ADAMTS18: variants seen among roughly 807,000 people sequenced by gnomAD.
ADAMTS18 encodes the protein ADAM metallopeptidase with thrombospondin type 1 motif 18.
ADAMTS18 carries 157 observed loss-of-function variants against 165.9 expected under a neutral mutation model. The ratio of observed to expected loss-of-function variants is 0.95; its 90% CI spans 0.83 to 1.08. The LOEUF (loss-of-function observed/expected upper bound fraction) is 1.08, where lower values mean the gene tolerates loss of function less well. Among genes scored for constraint, ADAMTS18 ranks in the 50% least tolerant of loss-of-function variants. The pLI is 0.00. For synonymous variants in ADAMTS18, 782 were observed against 578.2 expected (o/e 1.35, Z -5.06); for missense variants, 2,040 against 1,534.0 (o/e 1.33, Z -5.51).
chr16:77,373,731 G>A (rs12447385), intron 3 of ADAMTS18, among the ~76,000 whole-genome samples: 47,723 of 151,884 alleles, frequency 0.31, 8,557 homozygotes, highest in East Asian at 0.57. Flanking sequence ...AAAATAACAT[G>A]AAGAAAATTA....
At position 77,390,699 on chromosome 16, in the gene ADAMTS18, GA is replaced by G. The variant is rs572079107; in HGVS notation, c.496-22977del. On this transcript the variant is annotated intron_variant, in intron 3 of 22. Transcript: ENST00000282849. ...AGCAAGACTCCATCTCAAAAAAAAA[GA>G]AAAAAAAAAAAAGAAGAATCACCCA... Among the ~76,000 whole-genome samples the G allele has an allele frequency of 1.1e-3, 146 of 132,332 alleles. 1 individual carries two copies. The highest frequency in any genetic ancestry group is 2.7e-3 in the South Asian group (11 of 4,070). 86.8% of individuals were successfully genotyped at this position (132,332 alleles called of 152,430 possible). A position where few individuals can be genotyped will look rare whatever the true frequency, so the allele number is the denominator to read the frequency against.
At chr16:77,400,478 GTGTTT>G (rs1177626584) in intron 3 of ADAMTS18, among the ~76,000 whole-genome samples, 10 of 119,806 alleles carry the variant, frequency 8.3e-5, no homozygotes, top group African/African-American at 2.1e-4. Context: ...GTGTGTGTGT[GTGTTT>G]TGTTTTTTTT....
intron 3 of ADAMTS18, among the ~76,000 whole-genome samples, chr16:77,417,260 A>AGGTG (rs1336095526): frequency 2.6e-5 from 4 of 151,630 alleles, no homozygotes; most frequent in Admixed American, 2.0e-4. Context: ...ATGGGAGGAT[A>AGGTG]GGTGGGTGGG....
intron 3 of ADAMTS18, among the ~76,000 whole-genome samples, chr16:77,400,485 G>GTT (rs71137813): frequency 6.0e-4 from 69 of 114,654 alleles, no homozygotes; most frequent in African/African-American, 1.0e-3. Context: ...TGTGTGTTTT[G>GTT]TTTTTTTTTT....
chr16:77,434,394 T>G lies in ADAMTS18; in HGVS notation c.178+24A>C, dbSNP rs758599755. ...TCAAAGTGCTGCGAAAGGCCCTTCT[T>G]GGGGATGGGGGGCAAATACGAACCA... On this transcript the variant is annotated intron_variant, in intron 2 of 22. Transcript: ENST00000282849. 6 of 1,558,370 alleles carry G rather than the reference T, an allele frequency of 3.9e-6. No individual in the cohort carries two copies. The South Asian group carries it at 5.8e-5, about 15-fold the overall frequency.
chr16:77,363,814 C>T lies in ADAMTS18; in HGVS notation c.1044G>A (p.Leu348=). 3 of 1,613,896 alleles carry T rather than the reference C, an allele frequency of 1.9e-6. No homozygotes were observed. The highest frequency in any genetic ancestry group is 2.5e-6 in the Non-Finnish European group (3 of 1,179,934). ...GTTTGCCACTTACAGGTTCTTGTTCCAGAAGAATTAGGCTCACCACAACCA... is the reference window on the plus strand; with the variant it reads ...GTTTGCCACTTACAGGTTCTTGTTCTAGAAGAATTAGGCTCACCACAACCA... ...INVVVVSLIL[L]EQEPGGLLIN... Residue 348 remains leucine, a synonymous_variant, in exon 6 of 23, where the codon CTG becomes CTA. Coordinates refer to ENST00000282849, the MANE Select transcript of ADAMTS18 (RefSeq NM_199355.4).
intron 16 of ADAMTS18, among the ~76,000 whole-genome samples, chr16:77,304,697 C>G (rs2055649866): frequency 6.6e-6 from 1 of 152,182 alleles, no homozygotes; most frequent in Non-Finnish European, 1.5e-5. Flanking sequence ...ACTCATGTAT[C>G]TGGCCAAAAG....
chr16:77,372,165 G>A (rs2056885506), intron 3 of ADAMTS18, among the ~76,000 whole-genome samples: 1 of 152,164 alleles, frequency 6.6e-6, no homozygotes, highest in African/African-American at 2.4e-5. Flanking sequence ...CACATTGTGG[G>A]CAGGAATGTA....
intron 3 of ADAMTS18, among the ~76,000 whole-genome samples, chr16:77,399,006 G>A (rs1035795386): frequency 1.4e-4 from 21 of 152,282 alleles, no homozygotes; most frequent in African/African-American, 4.1e-4. Flanking sequence ...CCTGTTCAGT[G>A]GCCATCAGCA....
intron 3 of ADAMTS18, among the ~76,000 whole-genome samples, chr16:77,379,617 T>C (rs906705411): frequency 6.6e-6 from 1 of 152,148 alleles, no homozygotes; most frequent in Non-Finnish European, 1.5e-5. Context: ...GCCTCCTGAG[T>C]AGCTGGAACT....
In ADAMTS18 at chr16:77,293,910, C is replaced by A. The variant is rs184635935; in HGVS notation, c.3007-652G>T. 1.2e-3 allele frequency among the ~76,000 whole-genome samples: 179 copies of A among 151,852 alleles called. 1 individual carries two copies. Among genetic ancestry groups the A allele is most frequent in the African/African-American group, 4.1e-3 (171 of 41,402 alleles). On this transcript the variant is annotated intron_variant, in intron 19 of 22. Coordinates refer to ENST00000282849, the MANE Select transcript of ADAMTS18 (RefSeq NM_199355.4). Reference sequence around the variant, plus strand: ...GCTGGGCAGCCCAGTTCCTTACAGACCACAAACAGGTACTTGTTCATGACC... The same window carrying A: ...GCTGGGCAGCCCAGTTCCTTACAGAACACAAACAGGTACTTGTTCATGACC...
chr16:77,298,960 C>A (rs2144588029), intron 17 of ADAMTS18, among the ~76,000 whole-genome samples: 1 of 152,348 alleles, frequency 6.6e-6, no homozygotes, highest in South Asian at 2.1e-4. Context: ...TCACAACTGG[C>A]TTCCTCTGCA....
At position 77,400,473 on chromosome 16, in the gene ADAMTS18, TGTGTGTGTTTTG is replaced by T. The variant is rs1221327706; in HGVS notation, c.495+30810_495+30821del. Among the ~76,000 whole-genome samples the T allele has an allele frequency of 3.9e-4, 53 of 136,720 alleles. 1 individual carries two copies. The highest frequency in any genetic ancestry group is 7.5e-3 in the Middle Eastern group (2 of 266). 89.7% of individuals were successfully genotyped at this position (136,720 alleles called of 152,430 possible). The stretch of plus-strand genomic sequence containing the variant: ...GTGTGTGTCTGTGTGTGTGTGTGTG[TGTGTGTGTTTTG>T]TTTTTTTTTTTTTTGAGACGGAGTC... On this transcript the variant is annotated intron_variant, in intron 3 of 22. Coordinates refer to ENST00000282849, the MANE Select transcript of ADAMTS18 (RefSeq NM_199355.4).
intron 8 of ADAMTS18, among the ~76,000 whole-genome samples, chr16:77,356,774 C>T (rs1157694045): frequency 6.6e-6 from 1 of 152,084 alleles, no homozygotes; most frequent in Non-Finnish European, 1.5e-5. Flanking sequence ...TTTAGGTGGT[C>T]TACTGTCTAG....
chr16:77,393,713 C>T (rs1231324827), intron 3 of ADAMTS18, among the ~76,000 whole-genome samples: 1 of 152,166 alleles, frequency 6.6e-6, no homozygotes, highest in Non-Finnish European at 1.5e-5. Context: ...GTTTCCAGAA[C>T]TGTGAGAAAT....
chr16:77,396,461 G>C (rs562466267), intron 3 of ADAMTS18, among the ~76,000 whole-genome samples: 1 of 152,174 alleles, frequency 6.6e-6, no homozygotes, highest in Non-Finnish European at 1.5e-5. Flanking sequence ...TATGGGTTAT[G>C]AACCAGTTTC....
rs973929413 is a variant in ADAMTS18, at chr16:77,367,378, G to T, written c.778+63C>A. 5 of 1,598,724 alleles carry T rather than the reference G, an allele frequency of 3.1e-6. No homozygotes were observed. In the East Asian group the frequency reaches 8.9e-5, roughly 29 times the overall value. Reference sequence around the variant, plus strand: ...ACTTGCAAAGCTTGTACACCCAACAGCACTCAGGAAAACCTGTCGAGGCCC... The same window carrying T: ...ACTTGCAAAGCTTGTACACCCAACATCACTCAGGAAAACCTGTCGAGGCCC... On this transcript the variant is annotated intron_variant, in intron 4 of 22. Transcript: ENST00000282849.
intron 3 of ADAMTS18, among the ~76,000 whole-genome samples, chr16:77,427,410 T>A (rs192397167): frequency 6.6e-6 from 1 of 152,180 alleles, no homozygotes; most frequent in East Asian, 1.9e-4. Context: ...AGATGAAGAG[T>A]CTCCACCAAT....
In ADAMTS18 at chr16:77,425,759, T is replaced by C. The variant is rs184831080; in HGVS notation, c.495+5536A>G. 1.7e-3 allele frequency among the ~76,000 whole-genome samples: 258 copies of C among 151,740 alleles called. 2 individuals carry two copies. The highest frequency in any genetic ancestry group is 5.9e-3 in the African/African-American group (246 of 41,376). On this transcript the variant is annotated intron_variant, in intron 3 of 22. Transcript: ENST00000282849. ...AAGTGTGGTTCAAAAAGAGGAGGAG[T>C]GGGCCGGGCACGGTGGCTCACACCT...
Sources: gnomAD v4.1 joint callset for allele counts (sites outside exome capture counted in the v4.1 genomes callset) on GRCh38, gnomAD v4.1.1 for gene constraint, MANE v1.5 for transcripts, NCBI Gene and HGNC (gene_info 2026-07-23, HGNC 2026-07-21) for gene names.